The following TBC1D9B variants were observed in gnomAD, a reference collection of about 807,000 sequenced individuals.
TBC1D9B encodes TBC1 domain family member 9B, also known as TBC1 domain family, member 9B (with GRAM domain).
A neutral mutation model predicts 121.1 loss-of-function variants in TBC1D9B; 87 were observed. That is an observed-to-expected ratio of 0.72 (90% CI 0.60 to 0.86). The LOEUF is 0.86. Ranked by LOEUF, TBC1D9B falls within the 40% of genes least tolerant of loss-of-function variation. TBC1D9B has a pLI of 0.00. For missense variants in TBC1D9B, 1,540 were observed against 1,628.6 expected (o/e 0.95, Z 0.94); for synonymous variants, 668 against 670.1 (o/e 1.00, Z 0.05).
Position 179,862,400 on chromosome 5 carries a change from T to G in TBC1D9B, c.*1048A>C. 2.7e-6 allele frequency: 1 copy of G among 365,064 alleles called. No individual in the cohort carries two copies. Among genetic ancestry groups the G allele is most frequent in the Non-Finnish European group, 5.7e-6 (1 of 174,790 alleles). 22.6% of individuals were successfully genotyped at this position (365,064 alleles called of 1,614,324 possible). The stretch of plus-strand genomic sequence containing the variant: ...GCCCTGGGGCCCCCTGCGGTCACCT[T>G]TGGCTCCACAGTCTGGTTCTTGAAC... On this transcript the variant is annotated 3_prime_UTR_variant, in exon 21 of 21. Coordinates refer to ENST00000355235, the MANE Select transcript of TBC1D9B (RefSeq NM_015043.4).
intron 3 of TBC1D9B, among the ~76,000 whole-genome samples, chr5:179,896,610 C>T (rs965335333): frequency 2.0e-5 from 3 of 152,054 alleles, no homozygotes; most frequent in Non-Finnish European, 2.9e-5. Context: ...GCAACCTCTG[C>T]CTCCCGGGTT....
At position 179,865,659 on chromosome 5, in the gene TBC1D9B, T is replaced by C. The variant is rs558714032; in HGVS notation, c.2914+179A>G. ...CAAGAGAGGGCTGGCTGGGTGCCCG[T>C]GGGGCTGGTGGAGAGCGTGGAGCCT... On this transcript the variant is annotated intron_variant, in intron 19 of 20. Transcript: ENST00000355235. The surrounding 1 kb of genome is among the most constrained non-coding windows in gnomAD (Gnocchi z 5.1). 5 of 709,098 alleles carry C rather than the reference T, an allele frequency of 7.1e-6. No homozygotes were observed. The Admixed American group carries it at 1.4e-4, about 20-fold the overall frequency. 43.9% of individuals were successfully genotyped at this position (709,098 alleles called of 1,614,324 possible).
chr5:179,894,288 A>G, intron 4 of TBC1D9B, 98 bp downstream of exon 4: 1 of 1,139,132 alleles, frequency 8.8e-7, no homozygotes, highest in South Asian at 1.5e-5. Context: ...TTTCAGGGAG[A>G]CCCCTCTGGT....
rs1761242029 is a variant in TBC1D9B at position 179,904,227 on chromosome 5, T to TTC, written c.229+474_229+475insGA. On this transcript the variant is annotated intron_variant, in intron 2 of 20. Transcript: ENST00000355235. The surrounding 1 kb of genome is among the most constrained non-coding windows in gnomAD (Gnocchi z 4.2). The stretch of plus-strand genomic sequence containing the variant: ...CATGACCAGTGGAGCTGCCTTTTTT[T>TTC]TTTTTTTTTTTTTTTGAGACGGAAT... 6.9e-6 allele frequency among the ~76,000 whole-genome samples: 1 copy of TTC among 144,110 alleles called. No homozygotes were observed. The highest frequency in any genetic ancestry group is 1.5e-5 in the Non-Finnish European group (1 of 66,038). The allele number at this position is 144,110 out of a possible 152,430, so 94.5% of individuals were successfully genotyped here.
Position 179,891,765 on chromosome 5 carries a change from G to T in TBC1D9B, c.837-179C>A, listed in dbSNP as rs897347484. Among the ~76,000 whole-genome samples, 3 of 152,188 alleles carry T rather than the reference G, an allele frequency of 2.0e-5. No individual in the cohort carries two copies. The highest frequency in any genetic ancestry group is 4.4e-5 in the Non-Finnish European group (3 of 68,030). ...GAGTTCAATAAAAGATGCATGCTGA[G>T]TGAGCAGGCAGAAGGTGAGACAGTC... On this transcript the variant is annotated intron_variant, in intron 5 of 20. Coordinates refer to ENST00000355235, the MANE Select transcript of TBC1D9B (RefSeq NM_015043.4). This position sits in a 1 kb window ranked among gnomAD's most constrained non-coding sequence, Gnocchi z 4.3.
chr5:179,871,262 C>A (rs1242761405), intron 15 of TBC1D9B, among the ~76,000 whole-genome samples, 200 bp downstream of exon 15: 1 of 152,194 alleles, frequency 6.6e-6, no homozygotes, highest in Non-Finnish European at 1.5e-5. Context: ...AGAGGTCCTG[C>A]CTAAACTCCA....
chr5:179,895,781 G>C (rs532694706), intron 3 of TBC1D9B, among the ~76,000 whole-genome samples: 2 of 152,352 alleles, frequency 1.3e-5, no homozygotes, highest in African/African-American at 4.8e-5. Context: ...CATGAGCCTA[G>C]GTGAGGACTG....
chr5:179,879,307 T>C (rs145419460), intron 8 of TBC1D9B, 110 bp from the exon 9 acceptor site: 24,920 of 1,454,446 alleles, frequency 0.017, 250 homozygotes, highest in Non-Finnish European at 0.02. Flanking sequence ...GGCCAGCAAG[T>C]GTGGCCTTCC....
rs191848592 is a variant in TBC1D9B, at chr5:179,875,824, C to T, written c.1900+96G>A. 2.1e-5 allele frequency: 21 copies of T among 995,340 alleles called. No individual in the cohort carries two copies. Among genetic ancestry groups the T allele is most frequent in the Non-Finnish European group, 2.2e-5 (15 of 694,102 alleles). 61.7% of individuals were successfully genotyped at this position (995,340 alleles called of 1,614,324 possible). ...TACCCTCTAACTCCTAGGGAACCCA[C>T]GTGAAGCCTGGAGCTTGGCCTGGGA... On this transcript the variant is annotated intron_variant, in intron 11 of 20. Transcript: ENST00000355235. The surrounding 1 kb of genome is among the most constrained non-coding windows in gnomAD (Gnocchi z 4.5).
In TBC1D9B at chr5:179,891,721, G is replaced by C; in HGVS notation, c.837-135C>G. On this transcript the variant is annotated intron_variant, in intron 5 of 20. Transcript: ENST00000355235. This position sits in a 1 kb window ranked among gnomAD's most constrained non-coding sequence, Gnocchi z 4.3. ...ATCCCTGGGGTGGTCCCTTGAGCAA[G>C]TCATGCTCAGGGACCTCAGAGTTCA... The C allele has an allele frequency of 1.1e-6, 1 of 901,178 alleles. No homozygotes were observed. The highest frequency in any genetic ancestry group is 1.7e-5 in the South Asian group (1 of 60,372). The allele number at this position is 901,178 out of a possible 1,614,324, so 55.8% of individuals were successfully genotyped here. A position where few individuals can be genotyped will look rare whatever the true frequency, so the allele number is the denominator to read the frequency against.
Position 179,865,895 on chromosome 5 carries a change from A to G in TBC1D9B, c.2864-7T>C, listed in dbSNP as rs1453151402. 6.2e-7 allele frequency: 1 copy of G among 1,613,856 alleles called. No individual in the cohort carries two copies. The highest frequency in any genetic ancestry group is 8.5e-7 in the Non-Finnish European group (1 of 1,179,908). The stretch of plus-strand genomic sequence containing the variant: ...TCTTCCTGTGGTAGTGCTTCTGGAC[A>G]AACGCAAAAATAAAAAGAACATGAA... On this transcript the variant is annotated splice_polypyrimidine_tract_variant and splice_region_variant and intron_variant, in intron 18 of 20. Transcript: ENST00000355235. The surrounding 1 kb of genome is among the most constrained non-coding windows in gnomAD (Gnocchi z 5.1).
chr5:179,862,256 A>G lies in TBC1D9B; in HGVS notation c.*1192T>C, dbSNP rs1009718861. The G allele has an allele frequency of 8.5e-5, 21 of 246,656 alleles. No individual in the cohort carries two copies. The highest frequency in any genetic ancestry group is 4.6e-4 in the African/African-American group (21 of 45,834). The allele number at this position is 246,656 out of a possible 1,614,324, so 15.3% of individuals were successfully genotyped here. A position where few individuals can be genotyped will look rare whatever the true frequency, so the allele number is the denominator to read the frequency against. On this transcript the variant is annotated 3_prime_UTR_variant, in exon 21 of 21. Coordinates refer to ENST00000355235, the MANE Select transcript of TBC1D9B (RefSeq NM_015043.4). Reference sequence around the variant, plus strand: ...TAGATATCCACTGTATCCCCTGTGGATAAGGGGGTAACTGCTGTATCTTTT... The same window carrying G: ...TAGATATCCACTGTATCCCCTGTGGGTAAGGGGGTAACTGCTGTATCTTTT...
At chr5:179,871,382 G>A (rs111312805) in intron 15 of TBC1D9B, 80 bp downstream of exon 15, 5 of 1,387,048 alleles carry the variant, frequency 3.6e-6, no homozygotes, top group Non-Finnish European at 5.1e-6. Flanking sequence ...ACTTCTAAGA[G>A]GATACTCTTA....
At position 179,891,271 on chromosome 5, in the gene TBC1D9B, C is replaced by A; in HGVS notation, c.1044+108G>T. The A allele has an allele frequency of 7.6e-7, 1 of 1,323,738 alleles. No individual in the cohort carries two copies. The highest frequency in any genetic ancestry group is 1.9e-5 in the Admixed American group (1 of 52,458). 82.0% of individuals were successfully genotyped at this position (1,323,738 alleles called of 1,614,324 possible). ...GTGACTGCCTGGGCTAGGGCATCCT[C>A]CCAGGTACCCCCCAGTGAGACAGGG... On this transcript the variant is annotated intron_variant, in intron 6 of 20. Transcript: ENST00000355235. This position sits in a 1 kb window ranked among gnomAD's most constrained non-coding sequence, Gnocchi z 4.3.
chr5:179,862,378 C>G lies in TBC1D9B; in HGVS notation c.*1070G>C. ...TGAGGGTATCCTTGTGGCTCCAGCC[C>G]TGGGGCCCCCTGCGGTCACCTTTGG... On this transcript the variant is annotated 3_prime_UTR_variant, in exon 21 of 21. Coordinates refer to ENST00000355235, the MANE Select transcript of TBC1D9B (RefSeq NM_015043.4). 1 of 347,658 alleles carries G rather than the reference C, an allele frequency of 2.9e-6. No homozygotes were observed. The highest frequency in any genetic ancestry group is 2.0e-5 in the South Asian group (1 of 49,398). The allele number at this position is 347,658 out of a possible 1,614,324, so 21.5% of individuals were successfully genotyped here.
rs754810623 is a variant in TBC1D9B at position 179,863,591 on chromosome 5, G to C, written c.3559C>G (p.Leu1187Val). 11 of 1,614,192 alleles carry C rather than the reference G, an allele frequency of 6.8e-6. No homozygotes were observed. The highest frequency in any genetic ancestry group is 8.5e-6 in the Non-Finnish European group (10 of 1,180,052). The change falls in exon 21 of 21, where the codon CTG becomes GTG. Residue 1187 changes from leucine (L) to valine (V), a missense_variant. Transcript: ENST00000355235. The surrounding 1 kb of genome is among the most constrained non-coding windows in gnomAD (Gnocchi z 4.5). ...TDWCISFEQI[L>V]ASILTESVLV... is the part of the protein sequence containing the mutation. The stretch of plus-strand genomic sequence containing the variant: ...ACGGACTCCGTCAGGATGGAGGCCA[G>C]GATCTGCTCAAAGGAGATGCACCAG...
In TBC1D9B at chr5:179,885,800, G is replaced by A. The variant is rs1035971995; in HGVS notation, c.1254+2303C>T. Among the ~76,000 whole-genome samples, 15 of 152,190 alleles carry A rather than the reference G, an allele frequency of 9.9e-5. No individual in the cohort carries two copies. Among genetic ancestry groups the A allele is most frequent in the African/African-American group, 3.4e-4 (14 of 41,508 alleles). ...ACGGCCACAGTAACCCCATTAACAC[G>A]TAAACAGGTCGTGCCCTCCTCTGGT... On this transcript the variant is annotated intron_variant, in intron 7 of 20. Transcript: ENST00000355235. This position sits in a 1 kb window ranked among gnomAD's most constrained non-coding sequence, Gnocchi z 4.5.
chr5:179,878,640 G>A, intron 9 of TBC1D9B, 117 bp from the exon 10 acceptor site: 4 of 1,011,430 alleles, frequency 4.0e-6, no homozygotes, highest in Non-Finnish European at 5.8e-6. Flanking sequence ...TTGGGGTCAA[G>A]CACAAGCTGC....
intron 5 of TBC1D9B, among the ~76,000 whole-genome samples, chr5:179,892,513 T>A (rs1021939146): frequency 7.2e-5 from 11 of 152,194 alleles, no homozygotes; most frequent in African/African-American, 2.7e-4. Context: ...GAGTTTCCCA[T>A]AAGCTACAAC....
Sources: allele counts gnomAD v4.1 joint callset (sites outside exome capture counted in the v4.1 genomes callset), GRCh38; gene constraint gnomAD v4.1.1; non-coding constraint Gnocchi (gnomAD v3.1); transcripts MANE v1.5; gene names NCBI Gene and HGNC (gene_info 2026-07-23, HGNC 2026-07-21).